Variants in RXFP2 observed in about 807,000 individuals in gnomAD.
The protein encoded by RXFP2 is relaxin family peptide receptor 2, also known as relaxin receptor 2.
A neutral mutation model predicts 88.6 loss-of-function variants in RXFP2; 68 were observed. That is an observed-to-expected ratio of 0.77 (90% CI 0.63 to 0.94). The LOEUF is 0.94. Ranked by LOEUF, RXFP2 falls within the 40% of genes least tolerant of loss-of-function variation. The probability of loss-of-function intolerance (pLI) is 0.00; values close to 1 mark genes in which losing one functional copy is unlikely to be tolerated. For synonymous variants in RXFP2, 329 were observed against 306.8 expected (o/e 1.07, Z -0.76); for missense variants, 791 against 893.9 (o/e 0.88, Z 1.47).
chr13:31,802,270 G>C lies in RXFP2; in HGVS notation c.2130G>C (p.Gln710His). ...DKLKQLLHKH[Q>H]RKSIFKIKKK... is the part of the protein sequence containing the mutation. The stretch of plus-strand genomic sequence containing the variant: ...TGAAACAGCTGCTGCACAAACATCA[G>C]AGGAAATCAATTTTCAAAATTAAAA... The change falls in exon 18 of 18, where the codon CAG (glutamine) becomes CAC (histidine). Residue 710 changes from glutamine (Q) to histidine (H), a missense_variant. Transcript: ENST00000298386. 6.2e-7 allele frequency: 1 copy of C among 1,613,538 alleles called. No homozygotes were observed. Among genetic ancestry groups the C allele is most frequent in the Non-Finnish European group, 8.5e-7 (1 of 1,179,888 alleles).
At chr13:31,740,955 A>G (rs1871206395) in intron 1 of RXFP2, among the ~76,000 whole-genome samples, 1 of 152,062 alleles carries the variant, frequency 6.6e-6, no homozygotes, top group African/African-American at 2.4e-5. Flanking sequence ...TTAAGAATAT[A>G]CAGCTACAAA....
rs1416486156 is a variant in RXFP2, at chr13:31,797,232, G to C, written c.1818G>C (p.Val606=). The C allele has an allele frequency of 1.9e-6, 3 of 1,613,632 alleles. No homozygotes were observed. The African/African-American group carries it at 4.0e-5, about 22-fold the overall frequency. Residue 606 remains valine (V), a synonymous_variant, in exon 17 of 18, where the codon GTG becomes GTC. Transcript: ENST00000298386. ...GVNLLAFLII[V]FSYITMFCSI... ...ACTTGCTGGCTTTTCTCATCATTGT[G>C]TTTTCCTATATTACTATGTTCTGTT...
intron 1 of RXFP2, 63 bp from the exon 2 acceptor site, chr13:31,758,195 T>C: frequency 1.9e-6 from 3 of 1,574,344 alleles, no homozygotes; most frequent in East Asian, 2.2e-5. Flanking sequence ...GAAAATTAAA[T>C]GGGACAACAC....
At chr13:31,765,851 A>G (rs1047739219) in intron 4 of RXFP2, 105 bp from the exon 5 acceptor site, 5 of 695,372 alleles carry the variant, frequency 7.2e-6, no homozygotes, top group Admixed American at 6.7e-5. Context: ...ATGGATTAGT[A>G]TAATGAACGT....
At chr13:31,777,317 C>A in intron 7 of RXFP2, 59 bp from the exon 8 acceptor site, 1 of 1,209,226 alleles carries the variant, frequency 8.3e-7, no homozygotes, top group Non-Finnish European at 1.2e-6. Context: ...TGAGGGGAGG[C>A]AGGTTTTATT....
intron 3 of RXFP2, among the ~76,000 whole-genome samples, chr13:31,762,609 T>G: frequency 6.6e-6 from 1 of 152,136 alleles, no homozygotes; most frequent in South Asian, 2.1e-4. Flanking sequence ...GGAAGATGAA[T>G]GTACAATTAC....
At chr13:31,768,077 G>A (rs1396711749) in intron 5 of RXFP2, among the ~76,000 whole-genome samples, 1 of 152,082 alleles carries the variant, frequency 6.6e-6, no homozygotes, top group Non-Finnish European at 1.5e-5. Flanking sequence ...TAATAATTCA[G>A]GTCCACAATT....
Position 31,792,788 on chromosome 13 carries a change from C to T in RXFP2, c.1486C>T (p.Arg496Cys), listed in dbSNP as rs150335466. 37 of 1,613,928 alleles carry T rather than the reference C, an allele frequency of 2.3e-5. No homozygotes were observed. Among genetic ancestry groups the T allele is most frequent in the Admixed American group, 2.2e-4 (13 of 59,994 alleles). ...ALLWMESVQC[R>C]LMGFLAMLST... Reference sequence around the variant, plus strand: ...GCTGTGGATGGAGAGCGTGCAGTGCCGCCTCATGGGGTTCCTGGCCATGCT... The same window carrying T: ...GCTGTGGATGGAGAGCGTGCAGTGCTGCCTCATGGGGTTCCTGGCCATGCT... Residue 496 changes from arginine (R) to cysteine (C), a missense_variant, in exon 16 of 18, where the codon CGC (arginine) becomes TGC (cysteine). Physicochemically the swap from Arg to Cys is radical, Grantham distance 180. Coordinates refer to ENST00000298386, the MANE Select transcript of RXFP2 (RefSeq NM_130806.5).
rs56077729 is a variant in RXFP2, at chr13:31,794,368, C to CCACACA, written c.1786+1316_1786+1321dup. On this transcript the variant is annotated intron_variant, in intron 16 of 17. Coordinates refer to ENST00000298386, the MANE Select transcript of RXFP2 (RefSeq NM_130806.5). ...ATAGAGACTCTCCCTGAAACACACA[C>CCACACA]CACACACACACACACACACACACAC... Among the ~76,000 whole-genome samples the CCACACA allele has an allele frequency of 1.4e-3, 198 of 145,890 alleles. 1 individual carries two copies. Among genetic ancestry groups the CCACACA allele is most frequent in the African/African-American group, 3.3e-3 (128 of 39,118 alleles).
intron 3 of RXFP2, among the ~76,000 whole-genome samples, chr13:31,763,891 T>C (rs1872420129): frequency 6.6e-6 from 1 of 152,198 alleles, no homozygotes; most frequent in Non-Finnish European, 1.5e-5. Flanking sequence ...GTTGAGCTAA[T>C]TAACATATAT....
intron 5 of RXFP2, among the ~76,000 whole-genome samples, chr13:31,771,618 C>G (rs1005285677): frequency 6.6e-6 from 1 of 151,908 alleles, no homozygotes; most frequent in East Asian, 1.9e-4. Context: ...TCGTGAATGT[C>G]TCTACTAAAA....
Position 31,773,747 on chromosome 13 carries a change from G to C in RXFP2, c.498-873G>C, listed in dbSNP as rs1251056876. Among the ~76,000 whole-genome samples, 3 of 152,256 alleles carry C rather than the reference G, an allele frequency of 2.0e-5. No individual in the cohort carries two copies. The East Asian group carries it at 5.8e-4, about 29-fold the overall frequency. ...TTCACAGTATAGCCAGACGTCAAATGAGCATGTGATCTACAAATAGTTTTG... is the reference window on the plus strand; with the variant it reads ...TTCACAGTATAGCCAGACGTCAAATCAGCATGTGATCTACAAATAGTTTTG... On this transcript the variant is annotated intron_variant, in intron 5 of 17. Coordinates refer to ENST00000298386, the MANE Select transcript of RXFP2 (RefSeq NM_130806.5).
At chr13:31,768,999 G>GC (rs1872645644) in intron 5 of RXFP2, among the ~76,000 whole-genome samples, 2 of 152,210 alleles carry the variant, frequency 1.3e-5, no homozygotes, top group Non-Finnish European at 2.9e-5. Context: ...GAATCTGGTA[G>GC]CAGGAGAGCA....
rs1384049478 is a variant in RXFP2 at position 31,792,756 on chromosome 13, A to G, written c.1454A>G (p.Tyr485Cys). ...AAATACCGAGGGCAGTATCAGAAGT[A>G]TGCCTTGCTGTGGATGGAGAGCGTG... Reference protein sequence around the residue: ...DIKYRGQYQKYALLWMESVQC... With the variant: ...DIKYRGQYQKCALLWMESVQC... The change falls in exon 16 of 18, where the codon TAT (tyrosine) becomes TGT (cysteine). Residue 485 changes from tyrosine to cysteine, a missense_variant. Coordinates refer to ENST00000298386, the MANE Select transcript of RXFP2 (RefSeq NM_130806.5). 3.1e-6 allele frequency: 5 copies of G among 1,614,054 alleles called. No individual in the cohort carries two copies. The African/African-American group carries it at 6.7e-5, about 22-fold the overall frequency.
intron 11 of RXFP2, among the ~76,000 whole-genome samples, chr13:31,785,012 C>T (rs556833054): frequency 6.6e-6 from 1 of 152,228 alleles, no homozygotes; most frequent in South Asian, 2.1e-4. Context: ...ATGCCATTGC[C>T]CTATTTAATG....
At chr13:31,795,871 T>C (rs1025482906) in intron 16 of RXFP2, among the ~76,000 whole-genome samples, 1 of 152,090 alleles carries the variant, frequency 6.6e-6, no homozygotes. Flanking sequence ...GGTGGGAATC[T>C]TGTGAATATA....
chr13:31,755,928 C>A (rs1871924755), intron 1 of RXFP2, among the ~76,000 whole-genome samples: 1 of 152,188 alleles, frequency 6.6e-6, no homozygotes, highest in African/African-American at 2.4e-5. Context: ...TCAGAAAAGA[C>A]CCAGAGGTTG....
chr13:31,751,244 A>G (rs1388345806), intron 1 of RXFP2, among the ~76,000 whole-genome samples: 1 of 152,190 alleles, frequency 6.6e-6, no homozygotes, highest in Admixed American at 6.5e-5. Context: ...GTGAGCCGAG[A>G]TCATGCCATT....
chr13:31,772,003 T>A (rs967872076), intron 5 of RXFP2, among the ~76,000 whole-genome samples: 1 of 92,560 alleles, frequency 1.1e-5, no homozygotes, highest in African/African-American at 4.2e-5. Flanking sequence ...AATTGCCAGA[T>A]GAATGTGTTG....
Sources: allele counts gnomAD v4.1 joint callset (sites outside exome capture counted in the v4.1 genomes callset), GRCh38; gene constraint gnomAD v4.1.1; transcripts MANE v1.5; gene names NCBI Gene and HGNC (gene_info 2026-07-23, HGNC 2026-07-21).